The following MAMDC2 variants were observed in gnomAD, a reference collection of about 807,000 sequenced individuals.
The protein encoded by MAMDC2 is MAM domain-containing protein 2.
A neutral mutation model predicts 89.8 loss-of-function variants in MAMDC2; 57 were observed. The observed-to-expected ratio is 0.63, with a 90% CI of 0.51 to 0.79. The LOEUF (loss-of-function observed/expected upper bound fraction) is 0.79, where lower values mean the gene tolerates loss of function less well. Ranked by LOEUF, MAMDC2 falls within the 30% of genes least tolerant of loss-of-function variation. MAMDC2 has a pLI of 0.00. For missense variants in MAMDC2, 800 were observed against 820.6 expected, an observed-to-expected ratio of 0.97 and a Z score of 0.31; for synonymous variants, 313 against 293.4, an observed-to-expected ratio of 1.07 and a Z score of -0.68.
At chr9:70,099,852 G>A (rs894141072) in intron 2 of MAMDC2, among the ~76,000 whole-genome samples, 2 of 152,056 alleles carry the variant, frequency 1.3e-5, no homozygotes, top group African/African-American at 2.4e-5. Flanking sequence ...CCGGGTGCCT[G>A]TAATTCCAGC....
Position 70,225,819 on chromosome 9 carries a change from G to A in MAMDC2, c.1981G>A (p.Ala661Thr), listed in dbSNP as rs746792394. The change falls in exon 13 of 14, where the codon GCA (alanine) becomes ACA (threonine). Residue 661 changes from alanine to threonine, a missense_variant. Ala to Thr is a moderately conservative substitution (Grantham distance 58). Transcript: ENST00000377182. ...TGCCATTGATGATGTTAAATTTCAG[G>A]CAGGACCCTGTGGAGGTAATATTTT... Reference protein sequence around the residue: ...DIAIDDVKFQAGPCGEMEDTT... With the variant: ...DIAIDDVKFQTGPCGEMEDTT... 1 of 1,609,458 alleles carries A rather than the reference G, an allele frequency of 6.2e-7. No individual in the cohort carries two copies. The highest frequency in any genetic ancestry group is 8.5e-7 in the Non-Finnish European group (1 of 1,176,302).
chr9:70,154,102 T>C (rs1477599447), intron 9 of MAMDC2: 2 of 152,262 alleles, frequency 1.3e-5, no homozygotes, highest in African/African-American at 4.8e-5. Context: ...ATCACCATCA[T>C]ACTACTCTCA....
intron 2 of MAMDC2, among the ~76,000 whole-genome samples, chr9:70,075,938 T>C (rs1043962458): frequency 1.3e-5 from 2 of 152,218 alleles, no homozygotes; most frequent in African/African-American, 4.8e-5. Flanking sequence ...ATATAAGATA[T>C]GTAACAGTGT....
At chr9:70,054,615 G>A (rs1318633309) in intron 2 of MAMDC2, among the ~76,000 whole-genome samples, 1 of 151,806 alleles carries the variant, frequency 6.6e-6, no homozygotes, top group Non-Finnish European at 1.5e-5. Context: ...TAGGAAGGGG[G>A]GACTTGAGCT....
At chr9:70,170,377 G>C in intron 10 of MAMDC2, 102 bp from the exon 11 acceptor site, 1 of 1,324,174 alleles carries the variant, frequency 7.6e-7, no homozygotes, top group Admixed American at 2.5e-5. Flanking sequence ...TCCATCGCAT[G>C]GCATATGGCC....
intron 7 of MAMDC2, among the ~76,000 whole-genome samples, chr9:70,133,959 A>G (rs994094313): frequency 1.3e-5 from 2 of 152,240 alleles, no homozygotes; most frequent in African/African-American, 4.8e-5. Context: ...TGTGGGCCAG[A>G]CTGAGTCTTT....
At chr9:70,168,902 T>C (rs2032248956) in intron 10 of MAMDC2, 107 bp downstream of exon 10, 1 of 961,020 alleles carries the variant, frequency 1.0e-6, no homozygotes, top group Non-Finnish European at 1.6e-6. Flanking sequence ...TCCTTTGCTT[T>C]TGTTGACAAA....
At chr9:70,067,015 G>T (rs1827283202) in intron 2 of MAMDC2, among the ~76,000 whole-genome samples, 1 of 152,004 alleles carries the variant, frequency 6.6e-6, no homozygotes, top group South Asian at 2.1e-4. Flanking sequence ...GGTGCTCCTG[G>T]GATCAACACC....
chr9:70,064,461 C>T (rs1171585919), intron 2 of MAMDC2, among the ~76,000 whole-genome samples: 4 of 152,180 alleles, frequency 2.6e-5, no homozygotes, highest in Non-Finnish European at 4.4e-5. Context: ...TTAAAACTCC[C>T]TTCTTTTCCT....
At chr9:70,169,559 G>A (rs2032271649) in intron 10 of MAMDC2, 1 of 152,162 alleles carries the variant, frequency 6.6e-6, no homozygotes, top group African/African-American at 2.4e-5. Flanking sequence ...TTCCACTCAA[G>A]GCATAGAAGA....
intron 2 of MAMDC2, chr9:70,089,051 C>G (rs1261586124): frequency 6.6e-6 from 1 of 152,126 alleles, no homozygotes; most frequent in East Asian, 1.9e-4. Flanking sequence ...GCCTGAGAAA[C>G]TAAGGCTTGG....
At position 70,139,999 on chromosome 9, in the gene MAMDC2, T is replaced by C. The variant is rs896432698; in HGVS notation, c.995-146T>C. The C allele has an allele frequency of 9.5e-6, 7 of 733,640 alleles. No homozygotes were observed. In the South Asian group the frequency reaches 1.8e-4, roughly 19 times the overall value. 45.4% of individuals were successfully genotyped at this position (733,640 alleles called of 1,614,324 possible). A position where few individuals can be genotyped will look rare whatever the true frequency, so the allele number is the denominator to read the frequency against. The stretch of plus-strand genomic sequence containing the variant: ...TTGGTTTGATTCTAACCTGTCAGCA[T>C]GCCCTTTGGATAAAGATATTTAGTT... On this transcript the variant is annotated intron_variant, in intron 7 of 13. Transcript: ENST00000377182.
At position 70,170,528 on chromosome 9, in the gene MAMDC2, T is replaced by C. The variant is rs748483812; in HGVS notation, c.1548T>C (p.Cys516=). 4 of 1,613,008 alleles carry C rather than the reference T, an allele frequency of 2.5e-6. No individual in the cohort carries two copies. Among genetic ancestry groups the C allele is most frequent in the Admixed American group, 1.7e-5 (1 of 59,908 alleles). Residue 516 remains cysteine (C), a synonymous_variant, in exon 11 of 14, where the codon TGT becomes TGC. Coordinates refer to ENST00000377182, the MANE Select transcript of MAMDC2 (RefSeq NM_153267.5). ...PGECTFEQDE[C]TFTQEKRNRS... is the part of the protein sequence containing the mutation. ...AGTGTACTTTCGAGCAAGATGAATGTACATTTACTCAGGAGAAAAGAAACC... is the reference window on the plus strand; with the variant it reads ...AGTGTACTTTCGAGCAAGATGAATGCACATTTACTCAGGAGAAAAGAAACC...
At chr9:70,053,804 T>C (rs920781291) in intron 2 of MAMDC2, among the ~76,000 whole-genome samples, 1 of 152,100 alleles carries the variant, frequency 6.6e-6, no homozygotes, top group Non-Finnish European at 1.5e-5. Context: ...GAGGCTCAAT[T>C]TGAGGGAGAT....
At chr9:70,210,113 C>T (rs4744989) in intron 11 of MAMDC2, among the ~76,000 whole-genome samples, 130,419 of 152,214 alleles carry the variant, frequency 0.86, 56,108 homozygotes, top group East Asian at 0.96. Context: ...TATATTCTGT[C>T]GATTTGGGGT....
At chr9:70,173,969 G>T (rs1033561373) in intron 11 of MAMDC2, among the ~76,000 whole-genome samples, 2 of 152,112 alleles carry the variant, frequency 1.3e-5, no homozygotes, top group East Asian at 1.9e-4. Context: ...AACTTCACAG[G>T]GTGGTTGAAT....
chr9:70,221,378 T>TAGAG (rs1212981557), intron 12 of MAMDC2, among the ~76,000 whole-genome samples: 10 of 5,502 alleles, frequency 1.8e-3, no homozygotes, highest in African/African-American at 4.5e-3. Context: ...TATATATATA[T>TAGAG]ATAGAGAGAG....
rs185131521 is a variant in MAMDC2, at chr9:70,181,845, A to C, written c.1651+11214A>C. 3.0e-3 allele frequency among the ~76,000 whole-genome samples: 464 copies of C among 152,164 alleles called. 5 individuals are homozygous for C. The highest frequency in any genetic ancestry group is 0.011 in the African/African-American group (449 of 41,524). On this transcript the variant is annotated intron_variant, in intron 11 of 13. Transcript: ENST00000377182. ...CTCTCTTCCTATTTGAGTACCTTTTATTTCTTTCTCTTGCCTGATTGCCCT... is the reference window on the plus strand; with the variant it reads ...CTCTCTTCCTATTTGAGTACCTTTTCTTTCTTTCTCTTGCCTGATTGCCCT...
chr9:70,082,006 G>A (rs1246955120), intron 2 of MAMDC2: 1 of 152,146 alleles, frequency 6.6e-6, no homozygotes, highest in Non-Finnish European at 1.5e-5. Flanking sequence ...AAAAATAAAA[G>A]ACACCCTGCC....
Sources: gnomAD v4.1 joint callset for allele counts (sites outside exome capture counted in the v4.1 genomes callset) on GRCh38, gnomAD v4.1.1 for gene constraint, MANE v1.5 for transcripts, NCBI Gene and HGNC (gene_info 2026-07-23, HGNC 2026-07-21) for gene names.